Variants in ARHGEF4 observed in about 807,000 individuals in gnomAD.
ARHGEF4 encodes Rho guanine nucleotide exchange factor 4, also known as APC-stimulated guanine nucleotide exchange factor 1.
Under a neutral mutation model 162.0 loss-of-function variants are expected in ARHGEF4, and 119 were observed. That is an observed-to-expected ratio of 0.73 (90% confidence interval 0.63 to 0.86). The LOEUF (loss-of-function observed/expected upper bound fraction) is 0.86. Among genes scored for constraint, ARHGEF4 ranks in the 40% least tolerant of loss-of-function variants. ARHGEF4 has a pLI of 0.00. For synonymous variants in ARHGEF4, 1,014 were observed against 979.9 expected (o/e 1.03, Z -0.65); for missense variants, 2,488 against 2,456.0 (o/e 1.01, Z -0.28).
At chr2:131,017,536 G>A (rs1006136545) in intron 4 of ARHGEF4, among the ~76,000 whole-genome samples, 2 of 152,162 alleles carry the variant, frequency 1.3e-5, no homozygotes, top group African/African-American at 4.8e-5. Context: ...ATCATTTTGT[G>A]AACTGCTGAG....
chr2:130,951,403 C>A (rs1683949853), intron 4 of ARHGEF4, among the ~76,000 whole-genome samples: 1 of 152,120 alleles, frequency 6.6e-6, no homozygotes, highest in Admixed American at 6.5e-5. Flanking sequence ...AAGGCCATTA[C>A]TGGGTTATTA....
At chr2:130,867,795 C>CACGA (rs1184803704) in intron 1 of ARHGEF4, among the ~76,000 whole-genome samples, 1 of 152,308 alleles carries the variant, frequency 6.6e-6, no homozygotes, top group East Asian at 1.9e-4. Flanking sequence ...CAGCATCCTT[C>CACGA]ACGTTCCAGC....
chr2:131,028,164 A>G, intron 5 of ARHGEF4, 80 bp downstream of exon 5: 2 of 1,552,050 alleles, frequency 1.3e-6, no homozygotes, highest in Non-Finnish European at 1.7e-6. Flanking sequence ...TGCAGGCCAG[A>G]TGCCCACAGT....
chr2:130,878,251 A>C (rs1678985032), intron 1 of ARHGEF4, among the ~76,000 whole-genome samples: 1 of 152,194 alleles, frequency 6.6e-6, no homozygotes, highest in Admixed American at 6.5e-5. Flanking sequence ...CAGGCTGTAC[A>C]AAAATAGATC....
intron 1 of ARHGEF4, among the ~76,000 whole-genome samples, chr2:130,890,556 C>T (rs944372174): frequency 5.2e-5 from 7 of 135,768 alleles, no homozygotes; most frequent in African/African-American, 2.1e-4. Flanking sequence ...AGCGAGACTC[C>T]GTTTAAAAAA....
chr2:131,041,488 C>A (rs1379417654), intron 9 of ARHGEF4, 26 bp downstream of exon 9: 5 of 1,592,714 alleles, frequency 3.1e-6, no homozygotes, highest in Non-Finnish European at 2.6e-6. Context: ...GGCAGGGAGG[C>A]AGCCCACGCC....
intron 4 of ARHGEF4, among the ~76,000 whole-genome samples, chr2:130,953,347 T>A (rs1049187878): frequency 3.9e-5 from 6 of 152,212 alleles, no homozygotes; most frequent in Non-Finnish European, 8.8e-5. Flanking sequence ...GAAAACTGGC[T>A]AGCCATATGT....
chr2:130,964,010 C>G (rs1684818209), intron 4 of ARHGEF4: 5 of 210,274 alleles, frequency 2.4e-5, no homozygotes, highest in Non-Finnish European at 3.3e-5. Flanking sequence ...GCCCAGCCTT[C>G]CCCGAGCCTG....
chr2:130,987,281 G>A (rs11693003), intron 4 of ARHGEF4, among the ~76,000 whole-genome samples: 107,921 of 152,132 alleles, frequency 0.71, 39,628 homozygotes, highest in East Asian at 0.88. Context: ...ACTTTGTTCA[G>A]CTTTCTCCCT....
At chr2:130,841,169 G>A (rs1052424506) in intron 1 of ARHGEF4, among the ~76,000 whole-genome samples, 1 of 152,022 alleles carries the variant, frequency 6.6e-6, no homozygotes, top group East Asian at 1.9e-4. Context: ...AGTTCAAGCA[G>A]TTCTCCTACC....
intron 4 of ARHGEF4, among the ~76,000 whole-genome samples, chr2:130,992,188 G>C (rs1687043122): frequency 6.6e-6 from 1 of 152,176 alleles, no homozygotes; most frequent in African/African-American, 2.4e-5. Flanking sequence ...TCAGCGCCCT[G>C]TCAAAACAGG....
intron 13 of ARHGEF4, chr2:131,045,706 G>A: frequency 2.3e-5 from 33 of 1,449,684 alleles, no homozygotes; most frequent in African/African-American, 2.9e-5. Flanking sequence ...GTTTCCCCAG[G>A]GTTCCTTCCT....
intron 4 of ARHGEF4, among the ~76,000 whole-genome samples, chr2:130,993,250 G>A (rs1171155569): frequency 1.3e-5 from 2 of 151,844 alleles, no homozygotes; most frequent in Admixed American, 1.3e-4. Context: ...ATTTCTTTTT[G>A]ACCCATGAGT....
intron 4 of ARHGEF4, among the ~76,000 whole-genome samples, chr2:130,993,437 A>G (rs1181566738): frequency 1.3e-5 from 2 of 151,800 alleles, no homozygotes; most frequent in African/African-American, 4.8e-5. Flanking sequence ...GTACTTAAAA[A>G]GAATGTGTAT....
intron 4 of ARHGEF4, among the ~76,000 whole-genome samples, chr2:130,961,286 A>C (rs1375452234): frequency 1.3e-5 from 2 of 152,224 alleles, no homozygotes; most frequent in Non-Finnish European, 2.9e-5. Context: ...AGAAGCAGCA[A>C]GCCACTGACA....
intron 1 of ARHGEF4, among the ~76,000 whole-genome samples, chr2:130,896,482 A>C (rs1003917136): frequency 1.3e-5 from 2 of 152,228 alleles, no homozygotes; most frequent in Non-Finnish European, 2.9e-5. Flanking sequence ...ATCGCAGTTC[A>C]CTGCAGTAGT....
intron 4 of ARHGEF4, among the ~76,000 whole-genome samples, chr2:131,007,266 G>T (rs1688175332): frequency 6.6e-6 from 1 of 152,132 alleles, no homozygotes; most frequent in Non-Finnish European, 1.5e-5. Context: ...CCTTGTGACT[G>T]GAGTCAGCCA....
At chr2:130,880,074 C>T (rs141783944) in intron 1 of ARHGEF4, among the ~76,000 whole-genome samples, 13 of 152,326 alleles carry the variant, frequency 8.5e-5, no homozygotes, top group East Asian at 3.9e-4. Context: ...GCTGTAAGCA[C>T]GCGATGCCAT....
At position 130,925,035 on chromosome 2, in the gene ARHGEF4, AGTGTGTGTGTGTGTGT is replaced by A. The variant is rs55986926; in HGVS notation, c.3553-5887_3553-5872del. Among the ~76,000 whole-genome samples the A allele has an allele frequency of 7.9e-3, 1,095 of 137,954 alleles. 17 individuals carry two copies. Among genetic ancestry groups the A allele is most frequent in the African/African-American group, 0.027 (1,029 of 37,624 alleles). The allele number at this position is 137,954 out of a possible 152,430, so 90.5% of individuals were successfully genotyped here. A position where few individuals can be genotyped will look rare whatever the true frequency, so the allele number is the denominator to read the frequency against. On this transcript the variant is annotated intron_variant, in intron 2 of 13. Coordinates refer to ENST00000409359, the MANE Select transcript of ARHGEF4 (RefSeq NM_001367493.1). Reference sequence around the variant, plus strand: ...ATACTGTTTCTGCTTAGGAGTTCTAAGTGTGTGTGTGTGTGTGTGTGTGTGTGTGTGTGTGTGTGTG... The same window carrying A: ...ATACTGTTTCTGCTTAGGAGTTCTAAGTGTGTGTGTGTGTGTGTGTGTGTG...
Sources: gnomAD v4.1 joint callset for allele counts (sites outside exome capture counted in the v4.1 genomes callset) on GRCh38, gnomAD v4.1.1 for gene constraint, MANE v1.5 for transcripts, NCBI Gene and HGNC (gene_info 2026-07-23, HGNC 2026-07-21) for gene names.